Variants in IQGAP1 observed in about 807,000 individuals in gnomAD.
The protein encoded by IQGAP1 is ras GTPase-activating-like protein IQGAP1.
Under a neutral mutation model 215.6 loss-of-function variants are expected in IQGAP1, and 66 were observed. The observed-to-expected ratio is 0.31, with a 90% CI of 0.25 to 0.38. The LOEUF (loss-of-function observed/expected upper bound fraction) is 0.38. Among genes scored for constraint, IQGAP1 ranks in the 10% least tolerant of loss-of-function variants. IQGAP1 has a pLI of 1.00. For synonymous variants in IQGAP1, 772 were observed against 728.7 expected, an observed-to-expected ratio of 1.06 and a Z score of -0.96; for missense variants, 1,712 against 1,997.1, an observed-to-expected ratio of 0.86 and a Z score of 2.72.
chr15:90,402,991 C>T lies in IQGAP1; in HGVS notation c.155+12118C>T, dbSNP rs1596249365. ...TATTATAACAAAATGTTTTTTTGGG[C>T]TGGGCCCTGTGATTCACACCAGTAA... On this transcript the variant is annotated intron_variant, in intron 2 of 37. Transcript: ENST00000268182. Among the ~76,000 whole-genome samples the T allele has an allele frequency of 4.6e-5, 7 of 152,140 alleles. No individual in the cohort carries two copies. In the South Asian group the frequency reaches 1.5e-3, roughly 32 times the overall value.
chr15:90,462,048 G>A lies in IQGAP1; in HGVS notation c.1777-3953G>A, dbSNP rs187620868. Reference sequence around the variant, plus strand: ...ATGGTGGTAGGCGCCTGCGCCTTTAGTCCCAGCTACTCGGGAGGCTGAGGC... The same window carrying A: ...ATGGTGGTAGGCGCCTGCGCCTTTAATCCCAGCTACTCGGGAGGCTGAGGC... On this transcript the variant is annotated intron_variant, in intron 15 of 37. Coordinates refer to ENST00000268182, the MANE Select transcript of IQGAP1 (RefSeq NM_003870.4). Among the ~76,000 whole-genome samples the A allele has an allele frequency of 3.3e-5, 5 of 151,368 alleles. No individual in the cohort carries two copies. The East Asian group carries it at 9.7e-4, about 29-fold the overall frequency.
chr15:90,391,063 C>G (rs535348308), intron 2 of IQGAP1, 190 bp downstream of exon 2: 18 of 484,574 alleles, frequency 3.7e-5, no homozygotes, highest in African/African-American at 2.6e-4. Context: ...TAGTGACACC[C>G]CATCTCTACA....
chr15:90,433,340 T>C (rs1965328685), intron 4 of IQGAP1, among the ~76,000 whole-genome samples: 1 of 152,176 alleles, frequency 6.6e-6, no homozygotes, highest in Non-Finnish European at 1.5e-5. Flanking sequence ...CTAGGAGCAT[T>C]GTAGTTCTGA....
rs1343505483 is a variant in IQGAP1 at position 90,501,486 on chromosome 15, C to T, written c.*1378C>T. ...ATGTTTTGATTCAGTATTCTTTTAT[C>T]ATAAATTTTTAGCATTTAAAAATTC... On this transcript the variant is annotated 3_prime_UTR_variant, in exon 38 of 38. Transcript: ENST00000268182. 6.6e-6 allele frequency: 1 copy of T among 151,770 alleles called. No homozygotes were observed. The highest frequency in any genetic ancestry group is 1.5e-5 in the Non-Finnish European group (1 of 67,974). The allele number at this position is 151,770 out of a possible 1,614,324, so 9.4% of individuals were successfully genotyped here. A position where few individuals can be genotyped will look rare whatever the true frequency, so the allele number is the denominator to read the frequency against.
intron 2 of IQGAP1, among the ~76,000 whole-genome samples, chr15:90,407,096 G>A (rs1213409751): frequency 6.6e-6 from 1 of 152,170 alleles, no homozygotes; most frequent in Non-Finnish European, 1.5e-5. Flanking sequence ...CCCACAGCAA[G>A]CACTGCTGAT....
intron 1 of IQGAP1, among the ~76,000 whole-genome samples, chr15:90,388,760 C>G (rs1267067942): frequency 2.6e-5 from 4 of 152,156 alleles, no homozygotes; most frequent in Non-Finnish European, 5.9e-5. Flanking sequence ...TCTGGGTACG[C>G]GGGCTCTGCC....
chr15:90,431,149 C>T (rs1965297605), intron 4 of IQGAP1: 1 of 150,990 alleles, frequency 6.6e-6, no homozygotes, highest in Admixed American at 6.6e-5. Context: ...TTGTTGCATA[C>T]ATACCTGTGG....
At chr15:90,470,475 A>G (rs368265444) in intron 18 of IQGAP1, among the ~76,000 whole-genome samples, 186 of 152,296 alleles carry the variant, frequency 1.2e-3, no homozygotes, top group African/African-American at 4.3e-3. Context: ...CTTTCAGGTG[A>G]TGTTGATGCT....
intron 2 of IQGAP1, among the ~76,000 whole-genome samples, chr15:90,422,660 GTATATATA>G (rs371022759): frequency 4.7e-5 from 4 of 85,678 alleles, no homozygotes; most frequent in East Asian, 1.8e-3. Context: ...ATATATATAT[GTATATATA>G]TATATATATA....
intron 11 of IQGAP1, among the ~76,000 whole-genome samples, chr15:90,451,573 C>T (rs1202380961): frequency 2.0e-5 from 3 of 152,148 alleles, no homozygotes; most frequent in African/African-American, 7.2e-5. Context: ...ACCCACACAG[C>T]TCCTACTAGG....
At chr15:90,496,306 C>CTTTTTTTTTGTTTTTTTTTTTTT (rs1966272568) in intron 36 of IQGAP1, among the ~76,000 whole-genome samples, 1 of 106,090 alleles carries the variant, frequency 9.4e-6, no homozygotes, top group African/African-American at 4.4e-5. Context: ...AGCATAATCC[C>CTTTTTTTTTGTTTTTTTTTTTTT]TTTTTTTTTT....
chr15:90,470,494 A>G (rs1567136932), intron 18 of IQGAP1, among the ~76,000 whole-genome samples: 1 of 152,154 alleles, frequency 6.6e-6, no homozygotes, highest in Non-Finnish European at 1.5e-5. Flanking sequence ...CTGCTGGCCC[A>G]AGGACTGTAT....
intron 4 of IQGAP1, 180 bp downstream of exon 4, chr15:90,429,846 C>T (rs915539055): frequency 3.6e-5 from 16 of 444,070 alleles, no homozygotes; most frequent in Non-Finnish European, 5.2e-5. Flanking sequence ...TTTTATAATC[C>T]TCATACCTGT....
At position 90,477,204 on chromosome 15, in the gene IQGAP1, T is replaced by C. The variant is rs149445617; in HGVS notation, c.3078T>C (p.Phe1026=). The part of the protein sequence containing the change: ...QREEYLLLRL[F]KTALQEEIKS... ...AGGAGTACCTGCTCCTGCGGCTCTT[T>C]AAGACAGCACTCCAAGAGGAAATCA... Residue 1026 remains phenylalanine, a synonymous_variant, in exon 25 of 38, where the codon TTT becomes TTC. Transcript: ENST00000268182. The C allele has an allele frequency of 5.3e-5, 85 of 1,614,090 alleles. No homozygotes were observed. The African/African-American group carries it at 9.5e-4, about 18-fold the overall frequency.
chr15:90,462,643 TGTGA>T (rs1231528667), intron 15 of IQGAP1, among the ~76,000 whole-genome samples: 1 of 152,240 alleles, frequency 6.6e-6, no homozygotes, highest in Non-Finnish European at 1.5e-5. Flanking sequence ...TAGAGGGGTG[TGTGA>T]GTGTGTGCTT....
chr15:90,477,569 G>T (rs948618566), intron 25 of IQGAP1, 96 bp from the exon 26 acceptor site: 11 of 910,538 alleles, frequency 1.2e-5, no homozygotes, highest in African/African-American at 1.7e-5. Flanking sequence ...TGTTTCGAGA[G>T]AAACTGTTTC....
At chr15:90,397,665 T>G (rs1390227013) in intron 2 of IQGAP1, 2 of 151,456 alleles carry the variant, frequency 1.3e-5, no homozygotes, top group Admixed American at 1.3e-4. Flanking sequence ...TACAGGCGCC[T>G]GCCACCACAC....
chr15:90,410,194 T>A (rs1029028951), intron 2 of IQGAP1, among the ~76,000 whole-genome samples: 2 of 152,226 alleles, frequency 1.3e-5, no homozygotes, highest in African/African-American at 2.4e-5. Flanking sequence ...GCCGTTGCTT[T>A]TGGTGTTTTA....
intron 2 of IQGAP1, among the ~76,000 whole-genome samples, chr15:90,425,777 G>A (rs1030736640): frequency 6.6e-6 from 1 of 152,176 alleles, no homozygotes; most frequent in Non-Finnish European, 1.5e-5. Context: ...CTTTTCTTAG[G>A]ATTTGTTAAA....
Sources: gnomAD v4.1 joint callset for allele counts (sites outside exome capture counted in the v4.1 genomes callset) on GRCh38, gnomAD v4.1.1 for gene constraint, MANE v1.5 for transcripts, NCBI Gene and HGNC (gene_info 2026-07-23, HGNC 2026-07-21) for gene names.